The following INTS9 variants were observed in gnomAD, a reference collection of about 807,000 sequenced individuals.
INTS9 encodes the protein protein related to CPSF subunits of 74 kDa.
INTS9 carries 55 observed loss-of-function variants against 79.7 expected under a neutral mutation model. The observed-to-expected ratio is 0.69, with a 90% CI of 0.56 to 0.86. The LOEUF (loss-of-function observed/expected upper bound fraction) is 0.86, where lower values mean the gene tolerates loss of function less well. Ranked by LOEUF, INTS9 falls within the 40% of genes least tolerant of loss-of-function variation. The pLI is 0.00. For missense variants in INTS9, 721 were observed against 831.5 expected, an observed-to-expected ratio of 0.87 and a Z score of 1.64; for synonymous variants, 319 against 325.2, an observed-to-expected ratio of 0.98 and a Z score of 0.20.
At chr8:28,881,819 C>T (rs1469769721) in intron 1 of INTS9, among the ~76,000 whole-genome samples, 7 of 140,684 alleles carry the variant, frequency 5.0e-5, no homozygotes, top group South Asian at 2.3e-4. Flanking sequence ...CCGCCCCGTC[C>T]GGGAGGGTGG....
At chr8:28,868,418 G>C (rs575230665) in intron 1 of INTS9, among the ~76,000 whole-genome samples, 28 of 152,016 alleles carry the variant, frequency 1.8e-4, no homozygotes, top group Admixed American at 6.5e-4. Flanking sequence ...CTTTACTCTC[G>C]CTTGAGAGAA....
chr8:28,801,938 GA>G (rs1804551348), intron 8 of INTS9, among the ~76,000 whole-genome samples: 1 of 152,128 alleles, frequency 6.6e-6, no homozygotes. Context: ...AAGACCTCAA[GA>G]AAATGAGCCA....
intron 13 of INTS9, 75 bp downstream of exon 13, chr8:28,777,752 TCC>T (rs1802978737): frequency 2.0e-6 from 3 of 1,472,250 alleles, no homozygotes; most frequent in Non-Finnish European, 1.8e-6. Context: ...TAGATCTCTC[TCC>T]CCTCACCCCA....
chr8:28,779,871 A>G (rs1403852867), intron 12 of INTS9, among the ~76,000 whole-genome samples: 1 of 151,970 alleles, frequency 6.6e-6, no homozygotes, highest in African/African-American at 2.4e-5. Flanking sequence ...CCCAGCTCCT[A>G]AAGCTAGGAA....
chr8:28,777,453 T>A lies in INTS9; in HGVS notation c.1395+376A>T, dbSNP rs76697919. On this transcript the variant is annotated intron_variant, in intron 13 of 16. Coordinates refer to ENST00000521022, the MANE Select transcript of INTS9 (RefSeq NM_018250.4). The stretch of plus-strand genomic sequence containing the variant: ...AAAACCCAAACCCGACAGCACTGTT[T>A]GTGGTACCAGCCTACACGTGCGACA... 9.7e-3 allele frequency among the ~76,000 whole-genome samples: 1,479 copies of A among 152,168 alleles called. 27 individuals carry two copies. Among genetic ancestry groups the A allele is most frequent in the African/African-American group, 0.034 (1,407 of 41,510 alleles).
chr8:28,847,495 A>C (rs1023595794), intron 3 of INTS9, among the ~76,000 whole-genome samples: 1 of 150,784 alleles, frequency 6.6e-6, no homozygotes. Flanking sequence ...CCTCCACCAC[A>C]ACCACCACTA....
chr8:28,782,937 GGA>G (rs1172440958), intron 11 of INTS9, among the ~76,000 whole-genome samples: 1 of 152,076 alleles, frequency 6.6e-6, no homozygotes, highest in Non-Finnish European at 1.5e-5. Flanking sequence ...CACAAGGTCA[GGA>G]GATGGAGACC....
intron 14 of INTS9, among the ~76,000 whole-genome samples, chr8:28,773,273 CTAA>C (rs1802661422): frequency 6.6e-6 from 1 of 152,000 alleles, no homozygotes; most frequent in African/African-American, 2.4e-5. Flanking sequence ...ACCATCCTGG[CTAA>C]CACGATGAAA....
intron 13 of INTS9, among the ~76,000 whole-genome samples, chr8:28,776,427 GTT>G (rs72163162): frequency 1.2e-5 from 1 of 85,378 alleles, no homozygotes; most frequent in Non-Finnish European, 2.4e-5. Context: ...CAGAGGCAGA[GTT>G]TTTTTTTTTT....
At chr8:28,771,199 T>A in intron 14 of INTS9, 119 bp from the exon 15 acceptor site, 1 of 362,346 alleles carries the variant, frequency 2.8e-6, no homozygotes, top group Non-Finnish European at 4.8e-6. Flanking sequence ...AGGTAAACAA[T>A]TTTTTTTTTT....
At chr8:28,852,133 C>T (rs768393915) in intron 2 of INTS9, among the ~76,000 whole-genome samples, 3 of 152,030 alleles carry the variant, frequency 2.0e-5, no homozygotes, top group Non-Finnish European at 2.9e-5. Context: ...GAGGAAGGAT[C>T]GCTTGAGCCC....
chr8:28,797,898 T>C lies in INTS9; in HGVS notation c.745-1243A>G, dbSNP rs138018838. On this transcript the variant is annotated intron_variant, in intron 8 of 16. Transcript: ENST00000521022. ...TAATAGCAAAGTCTCAACATCTGCA[T>C]TGTGGTCTCCGAGTAGCTGTGCCTT... Among the ~76,000 whole-genome samples, 495 of 152,368 alleles carry C rather than the reference T, an allele frequency of 3.2e-3. 3 individuals are homozygous for C. Among genetic ancestry groups the C allele is most frequent in the African/African-American group, 0.011 (469 of 41,590 alleles).
At chr8:28,877,855 G>A (rs1181737895) in intron 1 of INTS9, among the ~76,000 whole-genome samples, 1 of 152,118 alleles carries the variant, frequency 6.6e-6, no homozygotes, top group Non-Finnish European at 1.5e-5. Flanking sequence ...GTTGGTGGTG[G>A]AACAATATCT....
At chr8:28,787,573 C>T (rs562022356) in intron 11 of INTS9, among the ~76,000 whole-genome samples, 5 of 152,260 alleles carry the variant, frequency 3.3e-5, no homozygotes, top group African/African-American at 7.2e-5. Context: ...AGTATATTCC[C>T]GAATCCCAAG....
chr8:28,806,437 C>T (rs186703147), intron 8 of INTS9, among the ~76,000 whole-genome samples: 3 of 152,248 alleles, frequency 2.0e-5, no homozygotes, highest in Admixed American at 2.0e-4. Context: ...AATTGGCAAA[C>T]TACAGTGAGA....
Position 28,889,914 on chromosome 8 carries a change from T to C in INTS9, c.-32A>G, listed in dbSNP as rs1384572160. 1.2e-5 allele frequency: 20 copies of C among 1,603,752 alleles called. No individual in the cohort carries two copies. Among genetic ancestry groups the C allele is most frequent in the Non-Finnish European group, 1.7e-5 (20 of 1,171,136 alleles). On this transcript the variant is annotated 5_prime_UTR_variant, in exon 1 of 17. Transcript: ENST00000521022. ...CTTTTGGTGGTTCAATAGCAGTCAC[T>C]GAACTCCTCAAACCCAGGAAGCGTC...
chr8:28,855,827 T>C (rs1808121776), intron 2 of INTS9, among the ~76,000 whole-genome samples: 1 of 152,246 alleles, frequency 6.6e-6, no homozygotes, highest in African/African-American at 2.4e-5. Flanking sequence ...ATGGTTATGT[T>C]AGAGGATGTC....
intron 4 of INTS9, among the ~76,000 whole-genome samples, chr8:28,845,696 C>T (rs1807465975): frequency 6.6e-6 from 1 of 152,158 alleles, no homozygotes; most frequent in Admixed American, 6.5e-5. Flanking sequence ...TCCTAAGTCA[C>T]AAATAAGGAT....
intron 11 of INTS9, chr8:28,784,115 A>G (rs1438644659): frequency 6.6e-6 from 1 of 152,214 alleles, no homozygotes; most frequent in Non-Finnish European, 1.5e-5. Flanking sequence ...GGGTGGAACC[A>G]CCGTTTCTCA....
Sources: allele counts gnomAD v4.1 joint callset (sites outside exome capture counted in the v4.1 genomes callset), GRCh38; gene constraint gnomAD v4.1.1; transcripts MANE v1.5; gene names NCBI Gene and HGNC (gene_info 2026-07-23, HGNC 2026-07-21).